The following DST variants were observed in gnomAD, a reference collection of about 807,000 sequenced individuals.
The protein encoded by DST is dystonin.
A neutral mutation model predicts 875.2 loss-of-function variants in DST; 253 were observed. The observed-to-expected ratio is 0.29, with a 90% confidence interval of 0.26 to 0.32. DST has a LOEUF of 0.32. Ranked by LOEUF, DST falls within the 10% of genes least tolerant of loss-of-function variation. The probability of loss-of-function intolerance (pLI) is 1.00; values close to 1 mark genes in which losing one functional copy is unlikely to be tolerated. For missense variants in DST, 8,287 were observed against 9,111.6 expected (o/e 0.91, Z 3.68); for synonymous variants, 3,124 against 3,197.1 (o/e 0.98, Z 0.77).
In DST at chr6:56,905,779, G is replaced by A. The variant is rs185810026; in HGVS notation, c.217-5158C>T. ...TTCTCCTGCCTCAGCCTCCCAAGTA[G>A]ATGGGATTACAGGCACAGGCCACCG... On this transcript the variant is annotated intron_variant, in intron 2 of 103. Transcript: ENST00000680361. 7.0e-4 allele frequency among the ~76,000 whole-genome samples: 107 copies of A among 152,068 alleles called. 1 individual carries two copies. The highest frequency in any genetic ancestry group is 4.4e-3 in the South Asian group (21 of 4,812).
Position 56,618,609 on chromosome 6 carries a change from G to A in DST, c.4930-4125C>T, listed in dbSNP as rs2098653944. The A allele has an allele frequency of 2.5e-6, 4 of 1,613,994 alleles. No homozygotes were observed. In the South Asian group the frequency reaches 4.4e-5, roughly 18 times the overall value. ...CCTTGCTGCATTTGTTCACGATACTGTTGAAGCTGTCTTTCAAGTTCTTTA... is the reference window on the plus strand; with the variant it reads ...CCTTGCTGCATTTGTTCACGATACTATTGAAGCTGTCTTTCAAGTTCTTTA... On this transcript the variant is annotated intron_variant, in intron 36 of 103. Coordinates refer to ENST00000680361, the MANE Select transcript of DST (RefSeq NM_001374736.1).
intron 3 of DST, among the ~76,000 whole-genome samples, chr6:56,882,070 A>G (rs541105586): frequency 3.0e-4 from 45 of 152,340 alleles, no homozygotes; most frequent in African/African-American, 1.0e-3. Context: ...ACAAACGTTT[A>G]TGCTCAATAA....
At chr6:56,780,677 G>C (rs1439915521) in intron 4 of DST, among the ~76,000 whole-genome samples, 1 of 151,354 alleles carries the variant, frequency 6.6e-6, no homozygotes, top group Admixed American at 6.6e-5. Context: ...TTTGTAGGTT[G>C]CCTGTTCACT....
chr6:56,561,608 T>C, intron 56 of DST, 59 bp from the exon 57 acceptor site: 1 of 1,527,634 alleles, frequency 6.5e-7, no homozygotes, highest in Non-Finnish European at 8.8e-7. Context: ...AGCAGAGGTC[T>C]AGAAATAAAA....
intron 4 of DST, among the ~76,000 whole-genome samples, chr6:56,787,460 A>G: frequency 6.6e-6 from 1 of 152,228 alleles, no homozygotes. Flanking sequence ...CCTAGACACT[A>G]TACAAAATGA....
In DST at chr6:56,809,648, C is replaced by T. The variant is rs1590917257; in HGVS notation, c.625+41749G>A. On this transcript the variant is annotated intron_variant, in intron 4 of 103. Coordinates refer to ENST00000680361, the MANE Select transcript of DST (RefSeq NM_001374736.1). ...TGCACACATTTAATTTAATCTCCCA[C>T]CTTCCACATAGATCATTGATAAAAT... is the stretch of plus-strand genomic sequence containing the variant. 2.0e-5 allele frequency among the ~76,000 whole-genome samples: 3 copies of T among 152,246 alleles called. No homozygotes were observed. In the East Asian group the frequency reaches 5.8e-4, roughly 29 times the overall value.
chr6:56,931,628 G>A (rs937267471), intron 2 of DST, among the ~76,000 whole-genome samples: 3 of 152,226 alleles, frequency 2.0e-5, no homozygotes, highest in African/African-American at 7.2e-5. Flanking sequence ...AGCCACAGGG[G>A]TGGAGCTGCC....
intron 9 of DST, among the ~76,000 whole-genome samples, chr6:56,685,792 A>G (rs1010173312): frequency 1.3e-5 from 2 of 152,106 alleles, no homozygotes; most frequent in Non-Finnish European, 2.9e-5. Flanking sequence ...CAAAAAAGTA[A>G]CACAGGTTGG....
intron 15 of DST, among the ~76,000 whole-genome samples, chr6:56,643,341 G>A (rs904402958): frequency 1.3e-5 from 2 of 152,176 alleles, no homozygotes; most frequent in Non-Finnish European, 2.9e-5. Context: ...AGCAAAGTAC[G>A]CTTCCATTTT....
intron 9 of DST, 77 bp from the exon 10 acceptor site, chr6:56,670,884 C>A: frequency 1.1e-6 from 1 of 916,728 alleles, no homozygotes; most frequent in Admixed American, 3.5e-5. Context: ...ATGTGCCAAG[C>A]ACTTTCCAAA....
intron 3 of DST, among the ~76,000 whole-genome samples, chr6:56,888,404 T>C (rs1185180716): frequency 6.6e-6 from 1 of 152,188 alleles, no homozygotes; most frequent in Non-Finnish European, 1.5e-5. Flanking sequence ...ATCAATTCAT[T>C]CTCCAGAATT....
At chr6:56,518,889 G>A (rs1299023236) in intron 69 of DST, among the ~76,000 whole-genome samples, 2 of 152,154 alleles carry the variant, frequency 1.3e-5, no homozygotes, top group Non-Finnish European at 1.5e-5. Context: ...GAGAAAGATG[G>A]GTGGAGATAA....
chr6:56,489,388 AT>A (rs1298133788), intron 86 of DST, 101 bp downstream of exon 86: 8 of 1,255,760 alleles, frequency 6.4e-6, no homozygotes, highest in Non-Finnish European at 8.4e-6. Context: ...CTGGACCTAC[AT>A]TTTTTCTTTA....
intron 72 of DST, among the ~76,000 whole-genome samples, chr6:56,513,356 A>G (rs1026700293): frequency 2.0e-5 from 3 of 151,844 alleles, no homozygotes; most frequent in African/African-American, 7.3e-5. Context: ...TCAGCATGCC[A>G]AGTAGCTGGG....
At chr6:56,711,977 G>A (rs909012658) in intron 5 of DST, among the ~76,000 whole-genome samples, 5 of 149,748 alleles carry the variant, frequency 3.3e-5, no homozygotes, top group Non-Finnish European at 6.0e-5. Flanking sequence ...TGTAGTCCCA[G>A]CTACTCGGGA....
At chr6:56,669,754 T>A (rs2099090596) in intron 10 of DST, among the ~76,000 whole-genome samples, 1 of 152,140 alleles carries the variant, frequency 6.6e-6, no homozygotes, top group South Asian at 2.1e-4. Context: ...GCAAGCCAAG[T>A]ATTTACTGGG....
intron 30 of DST, 31 bp from the exon 31 acceptor site, chr6:56,630,414 A>G (rs1459619861): frequency 6.3e-7 from 1 of 1,596,908 alleles, no homozygotes; most frequent in African/African-American, 1.3e-5. Context: ...ATAGCCACCT[A>G]TGGTTAAATG....
At position 56,642,484 on chromosome 6, in the gene DST, T is replaced by C. The variant is rs748391599; in HGVS notation, c.1798A>G (p.Ile600Val). 1 of 1,613,564 alleles carries C rather than the reference T, an allele frequency of 6.2e-7. No individual in the cohort carries two copies. The change falls in exon 16 of 104, where the codon ATT becomes GTT. Residue 600 changes from isoleucine to valine, a missense_variant. Ile to Val is a conservative substitution (Grantham distance 29). Transcript: ENST00000680361. ...CTGTCCCTCTGAACTCTGTTGGCAA[T>C]CTGTTGCAACATTTCTAACCTAAAA... ...EVERLEMLQQ[I>V]ANRVQRDSVI...
intron 5 of DST, among the ~76,000 whole-genome samples, chr6:56,729,700 A>G (rs191771067): frequency 3.0e-4 from 45 of 152,266 alleles, no homozygotes; most frequent in Admixed American, 2.0e-3. Context: ...ACCACAGAGG[A>G]AATAGAGCTT....
Sources: gnomAD v4.1 joint callset for allele counts (sites outside exome capture counted in the v4.1 genomes callset) on GRCh38, gnomAD v4.1.1 for gene constraint, MANE v1.5 for transcripts, NCBI Gene and HGNC (gene_info 2026-07-23, HGNC 2026-07-21) for gene names.